Variants in NKAIN3 observed in about 807,000 individuals in gnomAD.
The protein encoded by NKAIN3 is sodium/potassium transporting ATPase interacting 3.
In NKAIN3, 25 loss-of-function variants were observed where a neutral mutation model predicts 30.2. That is an observed-to-expected ratio of 0.83 (90% CI 0.60 to 1.16). NKAIN3 has a LOEUF of 1.16. Among genes scored for constraint, NKAIN3 ranks in the 50% most tolerant of loss-of-function variants. NKAIN3 has a pLI of 0.00. For missense variants in NKAIN3, 225 were observed against 254.1 expected (o/e 0.89, Z 0.78); for synonymous variants, 91 against 89.6 (o/e 1.02, Z -0.09).
At chr8:62,951,943 G>A (rs1390297021) in intron 5 of NKAIN3, among the ~76,000 whole-genome samples, 2 of 152,106 alleles carry the variant, frequency 1.3e-5, no homozygotes, top group African/African-American at 4.8e-5. Flanking sequence ...GGGATTAGAG[G>A]TGTGTGCCAC....
At chr8:62,346,648 C>A (rs1233579955) in intron 1 of NKAIN3, among the ~76,000 whole-genome samples, 1 of 152,068 alleles carries the variant, frequency 6.6e-6, no homozygotes, top group Non-Finnish European at 1.5e-5. Flanking sequence ...ATTACTGAGT[C>A]TACCAAAGCC....
chr8:62,960,266 A>G (rs1465139040), intron 6 of NKAIN3, among the ~76,000 whole-genome samples: 3 of 152,172 alleles, frequency 2.0e-5, no homozygotes, highest in Admixed American at 2.0e-4. Context: ...GGAAACACAG[A>G]TCATTTCCTT....
rs532160186 is a variant in NKAIN3, at chr8:62,955,481, A to G, written c.603+1509A>G. Among the ~76,000 whole-genome samples the G allele has an allele frequency of 2.6e-5, 4 of 152,262 alleles. No individual in the cohort carries two copies. In the South Asian group the frequency reaches 8.3e-4, roughly 32 times the overall value. ...CCTAGTGGTGACTTAAAGAGTCTTC[A>G]TATATTTGTTATGTGATAAGAGGAT... On this transcript the variant is annotated intron_variant, in intron 6 of 6. Transcript: ENST00000623646.
Position 62,692,778 on chromosome 8 carries a change from C to A in NKAIN3, c.274-54154C>A, listed in dbSNP as rs115356014. ...CTTTTGTTGTTCAAAAATACCTCCTCAACAATTTCATCCACTTCATTAATT... is the reference window on the plus strand; with the variant it reads ...CTTTTGTTGTTCAAAAATACCTCCTAAACAATTTCATCCACTTCATTAATT... On this transcript the variant is annotated intron_variant, in intron 3 of 6. Transcript: ENST00000623646. Among the ~76,000 whole-genome samples the A allele has an allele frequency of 2.2e-3, 341 of 152,330 alleles. 2 individuals carry two copies. The highest frequency in any genetic ancestry group is 7.4e-3 in the African/African-American group (309 of 41,568).
intron 1 of NKAIN3, among the ~76,000 whole-genome samples, chr8:62,415,158 GTATAT>G (rs556260381): frequency 1.3e-3 from 177 of 135,258 alleles, no homozygotes; most frequent in African/African-American, 4.8e-3. Context: ...ATATACTATA[GTATAT>G]TATATAATAT....
chr8:62,600,010 A>C (rs1280791642), intron 3 of NKAIN3, among the ~76,000 whole-genome samples: 1 of 152,062 alleles, frequency 6.6e-6, no homozygotes, highest in Non-Finnish European at 1.5e-5. Context: ...GCTACACTTA[A>C]AGATAAAGAA....
intron 5 of NKAIN3, among the ~76,000 whole-genome samples, chr8:62,923,457 A>T (rs17190621): frequency 2.0e-5 from 3 of 152,110 alleles, no homozygotes; most frequent in African/African-American, 7.2e-5. Context: ...CTTTATATTT[A>T]GAATTTAGTG....
chr8:62,390,885 G>A (rs1037651752), intron 1 of NKAIN3, among the ~76,000 whole-genome samples: 2 of 151,980 alleles, frequency 1.3e-5, no homozygotes, highest in African/African-American at 4.8e-5. Context: ...TTTTCAATTG[G>A]ACTGTTTGCT....
chr8:62,609,373 A>G (rs1333787121), intron 3 of NKAIN3, among the ~76,000 whole-genome samples: 1 of 152,086 alleles, frequency 6.6e-6, no homozygotes, highest in Non-Finnish European at 1.5e-5. Context: ...GAAAATGTTT[A>G]TTTTCTACAT....
chr8:62,319,359 C>T (rs1814786917), intron 1 of NKAIN3, among the ~76,000 whole-genome samples: 1 of 152,110 alleles, frequency 6.6e-6, no homozygotes, highest in Admixed American at 6.5e-5. Context: ...TTAGTTATTT[C>T]TTGCCTTCTG....
chr8:62,365,507 C>CT (rs1287165216), intron 1 of NKAIN3, among the ~76,000 whole-genome samples: 1 of 152,098 alleles, frequency 6.6e-6, no homozygotes. Context: ...AGTTCATTTA[C>CT]TTTAACTTCT....
chr8:62,609,184 GC>G (rs1811214581), intron 3 of NKAIN3, among the ~76,000 whole-genome samples: 1 of 152,034 alleles, frequency 6.6e-6, no homozygotes, highest in South Asian at 2.1e-4. Flanking sequence ...AAAACCTTGT[GC>G]CCTTTGTTAC....
chr8:62,345,432 TATATGTATATATACACAC>T (rs1381924289), intron 1 of NKAIN3, among the ~76,000 whole-genome samples: 3 of 136,848 alleles, frequency 2.2e-5, no homozygotes, highest in Non-Finnish European at 3.1e-5. Context: ...TATATACACA[TATATGTATATATACACAC>T]ATATGTATAT....
intron 1 of NKAIN3, among the ~76,000 whole-genome samples, chr8:62,401,754 T>C (rs980430925): frequency 1.4e-4 from 21 of 152,192 alleles, no homozygotes; most frequent in Admixed American, 1.4e-3. Context: ...GCAGAGACTC[T>C]TGTTCCTTCC....
chr8:62,345,871 A>G (rs1420338648), intron 1 of NKAIN3, among the ~76,000 whole-genome samples: 3 of 152,016 alleles, frequency 2.0e-5, no homozygotes, highest in Non-Finnish European at 4.4e-5. Context: ...TACATACACA[A>G]TGGAATACCA....
At chr8:62,608,052 C>G (rs1289016988) in intron 3 of NKAIN3, among the ~76,000 whole-genome samples, 1 of 152,098 alleles carries the variant, frequency 6.6e-6, no homozygotes, top group Admixed American at 6.6e-5. Context: ...AGAAACAAAT[C>G]AAGACTCCTT....
At position 62,332,095 on chromosome 8, in the gene NKAIN3, T is replaced by C. The variant is rs567890150; in HGVS notation, c.54+82968T>C. ...GTCTGCATGCCAGCTGAAACTTCAATAGAGCCTCATGACAGAGCTGTTAAA... is the reference window on the plus strand; with the variant it reads ...GTCTGCATGCCAGCTGAAACTTCAACAGAGCCTCATGACAGAGCTGTTAAA... On this transcript the variant is annotated intron_variant, in intron 1 of 6. Coordinates refer to ENST00000623646, the MANE Select transcript of NKAIN3 (RefSeq NM_001304533.3). 6.6e-5 allele frequency among the ~76,000 whole-genome samples: 10 copies of C among 152,248 alleles called. No individual in the cohort carries two copies. The South Asian group carries it at 1.2e-3, about 19-fold the overall frequency.
chr8:62,670,592 T>C lies in NKAIN3; in HGVS notation c.274-76340T>C, dbSNP rs1012220272. Among the ~76,000 whole-genome samples the C allele has an allele frequency of 3.5e-5, 5 of 144,300 alleles. No individual in the cohort carries two copies. In the East Asian group the frequency reaches 6.5e-4, roughly 19 times the overall value. 94.7% of individuals were successfully genotyped at this position (144,300 alleles called of 152,430 possible). The stretch of plus-strand genomic sequence containing the variant: ...TGGTTAGAGAGTAGTCTCTTCCTAA[T>C]AGGCCCCAGTTTTCTTTTGTATATG... On this transcript the variant is annotated intron_variant, in intron 3 of 6. Coordinates refer to ENST00000623646, the MANE Select transcript of NKAIN3 (RefSeq NM_001304533.3).
At chr8:62,441,292 C>G (rs957771024) in intron 1 of NKAIN3, among the ~76,000 whole-genome samples, 4 of 151,938 alleles carry the variant, frequency 2.6e-5, no homozygotes, top group African/African-American at 4.8e-5. Flanking sequence ...GCCTTCATAT[C>G]TGATAAGATC....
Sources: gnomAD v4.1 joint callset for allele counts (sites outside exome capture counted in the v4.1 genomes callset) on GRCh38, gnomAD v4.1.1 for gene constraint, MANE v1.5 for transcripts, NCBI Gene and HGNC (gene_info 2026-07-23, HGNC 2026-07-21) for gene names.